Variants in RALGPS1 observed in about 807,000 individuals in gnomAD.
RALGPS1 encodes ras-specific guanine nucleotide-releasing factor RalGPS1.
Under a neutral mutation model 78.8 loss-of-function variants are expected in RALGPS1, and 19 were observed. The ratio of observed to expected loss-of-function variants is 0.24; its 90% confidence interval spans 0.17 to 0.35. The LOEUF is 0.35. RALGPS1 is among the 10% of genes least tolerant of loss of function. The probability of loss-of-function intolerance (pLI) is 1.00; values close to 1 mark genes in which losing one functional copy is unlikely to be tolerated. For synonymous variants in RALGPS1, 228 were observed against 256.3 expected (o/e 0.89, Z 1.06); for missense variants, 454 against 688.3 (o/e 0.66, Z 3.81).
chr9:127,196,610 G>C lies in RALGPS1; in HGVS notation c.1174G>C (p.Val392Leu). 1 of 1,608,824 alleles carries C rather than the reference G, an allele frequency of 6.2e-7. No homozygotes were observed. ...RGLALTSSSAVTNGLSLGSSE... is the reference protein window; with the variant it reads ...RGLALTSSSALTNGLSLGSSE... ...CCTGGCTCTGACCTCCTCCTCTGCT[G>C]TCACCAATGGACTCTCCCTAGGTAA... The change falls in exon 13 of 19, where the codon GTC (valine) becomes CTC (leucine). Residue 392 changes from valine (V) to leucine (L), a missense_variant. Physicochemically the swap from Val to Leu is conservative, Grantham distance 32. Transcript: ENST00000259351.
At chr9:127,073,445 A>G (rs1055455741) in intron 8 of RALGPS1, among the ~76,000 whole-genome samples, 8 of 84,668 alleles carry the variant, frequency 9.4e-5, no homozygotes, top group Non-Finnish European at 2.2e-4. Context: ...GTAGTACACC[A>G]TTGTGTGTGT....
chr9:126,922,605 T>C (rs1259617638), intron 1 of RALGPS1, among the ~76,000 whole-genome samples: 1 of 152,232 alleles, frequency 6.6e-6, no homozygotes, highest in Non-Finnish European at 1.5e-5. Context: ...TTTTTCCTTC[T>C]AGGCACCATA....
chr9:127,195,663 C>CTGG (rs1304359028), intron 12 of RALGPS1, among the ~76,000 whole-genome samples: 2 of 152,224 alleles, frequency 1.3e-5, no homozygotes, highest in Admixed American at 6.5e-5. Flanking sequence ...AGGCCCATAG[C>CTGG]TGGGGGACAT....
intron 17 of RALGPS1, chr9:127,214,029 T>C (rs1404640361): frequency 6.6e-6 from 1 of 152,208 alleles, no homozygotes; most frequent in East Asian, 1.9e-4. Flanking sequence ...GAAGCCACAT[T>C]TGTTGCACAC....
intron 1 of RALGPS1, among the ~76,000 whole-genome samples, chr9:126,941,996 A>G (rs1312089568): frequency 6.6e-6 from 1 of 152,192 alleles, no homozygotes; most frequent in East Asian, 1.9e-4. Context: ...TAATCCTCAC[A>G]CCAACCCTCT....
chr9:127,023,930 G>A (rs749043284), intron 4 of RALGPS1, among the ~76,000 whole-genome samples: 4 of 150,900 alleles, frequency 2.7e-5, no homozygotes, highest in Admixed American at 6.6e-5. Context: ...CCAGCTACTC[G>A]GGAAGCTGAG....
chr9:127,133,211 G>A (rs2057130602), intron 8 of RALGPS1, among the ~76,000 whole-genome samples: 1 of 152,214 alleles, frequency 6.6e-6, no homozygotes, highest in African/African-American at 2.4e-5. Context: ...GGGAGGAGGA[G>A]GCACCGTGCA....
chr9:127,086,176 T>G (rs537786699), intron 8 of RALGPS1, among the ~76,000 whole-genome samples: 1 of 152,330 alleles, frequency 6.6e-6, no homozygotes, highest in South Asian at 2.1e-4. Context: ...TGCGTATCAG[T>G]GCATCTCTCT....
At position 127,166,195 on chromosome 9, in the gene RALGPS1, C is replaced by T. The variant is rs1441217010; in HGVS notation, c.737C>T (p.Ser246Phe). 9 of 1,613,424 alleles carry T rather than the reference C, an allele frequency of 5.6e-6. No individual in the cohort carries two copies. The highest frequency in any genetic ancestry group is 1.3e-5 in the African/African-American group (1 of 75,022). The change falls in exon 9 of 19, where the codon TCC becomes TTC. Residue 246 changes from serine (S) to phenylalanine (F), a missense_variant. Ser to Phe is a radical substitution (Grantham distance 155). Coordinates refer to ENST00000259351, the MANE Select transcript of RALGPS1 (RefSeq NM_014636.3). ...CGAATAATTGCTGATTTACAAGTTT[C>T]CTGCAGCTATGGTTAGTACCCTTGT... ...ILRIIADLQVSCSYDHLTTLP... is the reference protein window; with the variant it reads ...ILRIIADLQVFCSYDHLTTLP...
At chr9:127,089,152 G>T (rs764621885) in intron 8 of RALGPS1, 2 of 1,613,720 alleles carry the variant, frequency 1.2e-6, no homozygotes, top group Non-Finnish European at 1.7e-6. Context: ...CAAGAGAGAA[G>T]GCAGTGAGAG....
At chr9:127,189,436 A>G (rs1001674642) in intron 11 of RALGPS1, among the ~76,000 whole-genome samples, 3 of 152,092 alleles carry the variant, frequency 2.0e-5, no homozygotes, top group African/African-American at 4.8e-5. Flanking sequence ...TGTCTGCTCC[A>G]TGCACCCACA....
intron 4 of RALGPS1, among the ~76,000 whole-genome samples, chr9:127,012,502 C>T (rs1056973389): frequency 1.3e-5 from 2 of 152,196 alleles, no homozygotes; most frequent in African/African-American, 2.4e-5. Flanking sequence ...ACTGTAGCCC[C>T]CTTGGTCCAT....
At chr9:127,116,054 A>G (rs928716871) in intron 8 of RALGPS1, among the ~76,000 whole-genome samples, 1 of 152,156 alleles carries the variant, frequency 6.6e-6, no homozygotes, top group Non-Finnish European at 1.5e-5. Context: ...TGAATGAACC[A>G]TTTATCCATC....
At chr9:126,971,997 G>C (rs966853067) in intron 3 of RALGPS1, among the ~76,000 whole-genome samples, 16 of 152,186 alleles carry the variant, frequency 1.1e-4, no homozygotes, top group Non-Finnish European at 1.9e-4. Context: ...ATATTAGTAT[G>C]AATTCTGCAT....
chr9:127,084,720 C>T (rs904574514), intron 8 of RALGPS1, among the ~76,000 whole-genome samples: 1 of 152,244 alleles, frequency 6.6e-6, no homozygotes, highest in African/African-American at 2.4e-5. Context: ...CTATACTTCT[C>T]ACACAGTGTC....
intron 1 of RALGPS1, among the ~76,000 whole-genome samples, chr9:126,928,368 A>G (rs763092265): frequency 4.6e-5 from 7 of 152,178 alleles, no homozygotes; most frequent in Non-Finnish European, 8.8e-5. Context: ...TTCTTAGGGA[A>G]GGAAGAAGAA....
intron 8 of RALGPS1, among the ~76,000 whole-genome samples, chr9:127,123,871 T>A (rs2056390826): frequency 6.6e-6 from 1 of 152,180 alleles, no homozygotes; most frequent in Non-Finnish European, 1.5e-5. Context: ...AGCCCCAGGG[T>A]ACAAGTTTGC....
chr9:127,164,490 C>T (rs969147191), intron 8 of RALGPS1, among the ~76,000 whole-genome samples: 2 of 150,746 alleles, frequency 1.3e-5, no homozygotes, highest in Non-Finnish European at 2.9e-5. Context: ...CTGCCTTGGC[C>T]TCCCAAAGTG....
intron 8 of RALGPS1, among the ~76,000 whole-genome samples, chr9:127,095,813 T>C (rs2053063710): frequency 6.6e-6 from 1 of 152,222 alleles, no homozygotes; most frequent in Admixed American, 6.5e-5. Context: ...TTCTGGTCTC[T>C]GTTAGACATC....
Sources: allele counts gnomAD v4.1 joint callset (sites outside exome capture counted in the v4.1 genomes callset), GRCh38; gene constraint gnomAD v4.1.1; transcripts MANE v1.5; gene names NCBI Gene and HGNC (gene_info 2026-07-23, HGNC 2026-07-21).